AATK: variants seen among roughly 807,000 people sequenced by gnomAD.
AATK encodes the protein lemur tail kinase 1.
AATK carries 91 observed loss-of-function variants against 114.3 expected under a neutral mutation model. The observed-to-expected ratio is 0.80, with a 90% CI of 0.67 to 0.95. The LOEUF (loss-of-function observed/expected upper bound fraction) is 0.95, where lower values mean the gene tolerates loss of function less well. Among genes scored for constraint, AATK ranks in the 40% least tolerant of loss-of-function variants. The probability of loss-of-function intolerance (pLI) is 0.00; values close to 1 mark genes in which losing one functional copy is unlikely to be tolerated. For missense variants in AATK, 2,176 were observed against 1,965.2 expected (o/e 1.11, Z -2.03); for synonymous variants, 1,075 against 916.5 (o/e 1.17, Z -3.12).
chr17:81,119,181 G>C (rs959165615), intron 13 of AATK, among the ~76,000 whole-genome samples, 199 bp downstream of exon 13: 14 of 126,496 alleles, frequency 1.1e-4, no homozygotes, highest in African/African-American at 4.0e-4. Flanking sequence ...GGTCAGGTGA[G>C]GGTCAGGTGA....
At chr17:81,127,959 C>T (rs377033792) in intron 4 of AATK, 49 bp from the exon 5 acceptor site, 66 of 1,543,746 alleles carry the variant, frequency 4.3e-5, no homozygotes, top group South Asian at 1.8e-4. Context: ...CCACCGGCCC[C>T]GGCTTCCAGG....
chr17:81,138,705 A>G (rs1443233889), intron 1 of AATK, among the ~76,000 whole-genome samples: 4 of 151,460 alleles, frequency 2.6e-5, no homozygotes, highest in African/African-American at 9.7e-5. Flanking sequence ...AAGCACGCAG[A>G]TACCCACACG....
Position 81,134,384 on chromosome 17 carries a change from C to T in AATK, c.173G>A (p.Gly58Asp), listed in dbSNP as rs762292146. Reference sequence around the variant, plus strand: ...AGGCCTCACCTTGAACCCGATACCGCCCTTCTTACAGCACAGGCAGGCCAG... The same window carrying T: ...AGGCCTCACCTTGAACCCGATACCGTCCTTCTTACAGCACAGGCAGGCCAG... ...LMLACLCCKK[G>D]GIGFKEFENA... The change falls in exon 2 of 14, where the codon GGC (glycine) becomes GAC (aspartate). Residue 58 changes from glycine (G) to aspartate (D), a missense_variant. This residue lies in a region of AATK where 178 missense variants were observed against 175.4 expected (regional missense o/e 1.01). Transcript: ENST00000326724. 1.2e-6 allele frequency: 2 copies of T among 1,613,236 alleles called. No individual in the cohort carries two copies. Among genetic ancestry groups the T allele is most frequent in the Non-Finnish European group, 1.7e-6 (2 of 1,179,798 alleles).
chr17:81,121,678 C>A lies in AATK; in HGVS notation c.2258G>T (p.Gly753Val), dbSNP rs543807684. The A allele has an allele frequency of 6.5e-5, 98 of 1,500,794 alleles. No individual in the cohort carries two copies. The African/African-American group carries it at 1.3e-3, about 20-fold the overall frequency. The allele number at this position is 1,500,794 out of a possible 1,614,324, so 93.0% of individuals were successfully genotyped here. Residue 753 changes from glycine (G) to valine (V), a missense_variant, in exon 11 of 14, where the codon GGC becomes GTC. Gly to Val is a moderately radical substitution (Grantham distance 109). Coordinates refer to ENST00000326724, the MANE Select transcript of AATK (RefSeq NM_001080395.3). The stretch of plus-strand genomic sequence containing the variant: ...AACCAGGCAGGGAGCAGGTGCCAGG[C>A]CCTGGGCAGAGCATAGATGAGGGAG... Reference protein sequence around the residue: ...PGLPHLCSAQGLAPAPCLVTP... With the variant: ...PGLPHLCSAQVLAPAPCLVTP...
intron 4 of AATK, 104 bp from the exon 5 acceptor site, chr17:81,128,014 A>T: frequency 3.6e-6 from 5 of 1,392,584 alleles, no homozygotes; most frequent in African/African-American, 2.8e-5. Flanking sequence ...CCAGGACAGG[A>T]CACTTCTCCT....
Position 81,122,142 on chromosome 17 carries a change from G to C in AATK, c.1794C>G (p.Ser598Arg), listed in dbSNP as rs199614632. 1.5e-5 allele frequency: 23 copies of C among 1,527,466 alleles called. No individual in the cohort carries two copies. The East Asian group carries it at 5.3e-4, about 36-fold the overall frequency. The allele number at this position is 1,527,466 out of a possible 1,614,324, so 94.6% of individuals were successfully genotyped here. The change falls in exon 11 of 14, where the codon AGC becomes AGG. Residue 598 changes from serine to arginine, a missense_variant. By Grantham distance (110) the Ser-to-Arg change is moderately radical. This residue lies in a region of AATK where 1,701 missense variants were observed against 1,394.7 expected (regional missense o/e 1.22). Coordinates refer to ENST00000326724, the MANE Select transcript of AATK (RefSeq NM_001080395.3). Reference sequence around the variant, plus strand: ...AGGGGCAGAGCGGGTCCCGCGCCAAGCTTCTGCGAGGGTAGTGGTCGCCGC... The same window carrying C: ...AGGGGCAGAGCGGGTCCCGCGCCAACCTTCTGCGAGGGTAGTGGTCGCCGC... ...WGRGDHYPRR[S>R]LARDPLCPSR... is the part of the protein sequence containing the mutation.
intron 1 of AATK, among the ~76,000 whole-genome samples, chr17:81,141,279 G>A (rs983471299): frequency 1.3e-5 from 2 of 152,108 alleles, no homozygotes; most frequent in Non-Finnish European, 2.9e-5. Flanking sequence ...GTGAAATCCC[G>A]TCTCTACTAA....
At chr17:81,150,804 C>T (rs1331112494) in intron 1 of AATK, among the ~76,000 whole-genome samples, 1 of 152,212 alleles carries the variant, frequency 6.6e-6, no homozygotes, top group Non-Finnish European at 1.5e-5. Context: ...ATCTGTGGAC[C>T]TCCTGGCACC....
At position 81,118,586 on chromosome 17, in the gene AATK, G is replaced by C. The variant is rs570525169; in HGVS notation, c.4085-144C>G. 1.3e-4 allele frequency: 104 copies of C among 807,536 alleles called. No homozygotes were observed. In the African/African-American group the frequency reaches 1.7e-3, roughly 13 times the overall value. The allele number at this position is 807,536 out of a possible 1,614,324, so 50.0% of individuals were successfully genotyped here. A position where few individuals can be genotyped will look rare whatever the true frequency, so the allele number is the denominator to read the frequency against. Reference sequence around the variant, plus strand: ...CAGATCTGGCTGTGTCTAGGTGAGAGATGGACCCATTTCCCCCACTCCTGT... The same window carrying C: ...CAGATCTGGCTGTGTCTAGGTGAGACATGGACCCATTTCCCCCACTCCTGT... On this transcript the variant is annotated intron_variant, in intron 13 of 13. Transcript: ENST00000326724.
At chr17:81,136,829 C>G (rs2061017470) in intron 1 of AATK, among the ~76,000 whole-genome samples, 1 of 152,162 alleles carries the variant, frequency 6.6e-6, no homozygotes, top group African/African-American at 2.4e-5. Flanking sequence ...GACGGCACAC[C>G]TAGGCTTTCA....
At position 81,131,211 on chromosome 17, in the gene AATK, G is replaced by A; in HGVS notation, c.190-6C>T. 6.4e-7 allele frequency: 1 copy of A among 1,567,828 alleles called. No individual in the cohort carries two copies. The highest frequency in any genetic ancestry group is 2.3e-5 in the East Asian group (1 of 42,918). ...CCCTCCGCATTCTCAAACTCCTGCG[G>A]GCCGGGCCGGGCATGAGCGGGGCTT... On this transcript the variant is annotated splice_region_variant and splice_polypyrimidine_tract_variant and intron_variant, in intron 2 of 13. Coordinates refer to ENST00000326724, the MANE Select transcript of AATK (RefSeq NM_001080395.3).
At chr17:81,118,696 G>A (rs1277348484) in intron 13 of AATK, among the ~76,000 whole-genome samples, 20 of 152,248 alleles carry the variant, frequency 1.3e-4, no homozygotes, top group Admixed American at 1.3e-3. Flanking sequence ...ACAGGAAGGG[G>A]ATGGCCAAGG....
chr17:81,138,048 A>C (rs1198045933), intron 1 of AATK, among the ~76,000 whole-genome samples: 2 of 151,218 alleles, frequency 1.3e-5, no homozygotes, highest in African/African-American at 2.4e-5. Context: ...CCACGTGCAC[A>C]CAGACCCACA....
intron 1 of AATK, among the ~76,000 whole-genome samples, chr17:81,143,486 C>CAA (rs1255498592): frequency 1.3e-4 from 6 of 46,746 alleles, no homozygotes; most frequent in South Asian, 1.3e-3. Context: ...CACGCAGCCC[C>CAA]TGCCTCCCGT....
At chr17:81,162,018 C>G (rs1294067064) in intron 1 of AATK, among the ~76,000 whole-genome samples, 1 of 152,142 alleles carries the variant, frequency 6.6e-6, no homozygotes, top group Non-Finnish European at 1.5e-5. Context: ...GGAGAATGTG[C>G]CGGAATGAGA....
intron 1 of AATK, chr17:81,135,852 G>GGGTCAC (rs1214221110): frequency 6.6e-6 from 1 of 152,646 alleles, no homozygotes; most frequent in East Asian, 1.9e-4. Context: ...GCAGGGGGCG[G>GGGTCAC]CCAGCAAAGC....
chr17:81,164,834 G>C (rs534094109), intron 1 of AATK, among the ~76,000 whole-genome samples: 10 of 152,264 alleles, frequency 6.6e-5, no homozygotes, highest in Non-Finnish European at 8.8e-5. Context: ...GTCACTACAG[G>C]AAGTCATTTC....
At chr17:81,145,527 C>CT (rs150295020) in intron 1 of AATK, among the ~76,000 whole-genome samples, 2,242 of 151,116 alleles carry the variant, frequency 0.015, 68 homozygotes, top group African/African-American at 0.052. Flanking sequence ...GAGGTCAGGA[C>CT]TTTGAGGCCA....
Position 81,122,562 on chromosome 17 carries a change from G to A in AATK, c.1374C>T (p.Phe458=), listed in dbSNP as rs1164345060. Residue 458 remains phenylalanine (F), a synonymous_variant, in exon 11 of 14, where the codon TTC becomes TTT. Transcript: ENST00000326724. ...PLLEQFAGDG[F]HADGDDVLTV... is the part of the protein sequence containing the mutation. ...TCAGCACGTCGTCGCCGTCCGCGTG[G>A]AAGCCGTCGCCCGCGAACTGCTCCA... The A allele has an allele frequency of 1.1e-4, 159 of 1,472,288 alleles. No individual in the cohort carries two copies. Among genetic ancestry groups the A allele is most frequent in the Non-Finnish European group, 1.4e-4 (150 of 1,106,436 alleles). The allele number at this position is 1,472,288 out of a possible 1,614,324, so 91.2% of individuals were successfully genotyped here.
Sources: gnomAD v4.1 joint callset for allele counts (sites outside exome capture counted in the v4.1 genomes callset) on GRCh38, gnomAD v4.1.1 for gene constraint, gnomAD v4.1.1 regional missense constraint, MANE v1.5 for transcripts, NCBI Gene and HGNC (gene_info 2026-07-23, HGNC 2026-07-21) for gene names.